Variants in DCUN1D5 observed in about 807,000 individuals in gnomAD.
DCUN1D5 encodes DCN1-like protein 5.
A neutral mutation model predicts 38.3 loss-of-function variants in DCUN1D5; 10 were observed. That is an observed-to-expected ratio of 0.26 (90% CI 0.16 to 0.44). The LOEUF (loss-of-function observed/expected upper bound fraction) is 0.44. Ranked by LOEUF, DCUN1D5 falls within the 20% of genes least tolerant of loss-of-function variation. DCUN1D5 has a pLI of 1.00. For missense variants in DCUN1D5, 148 were observed against 275.3 expected (o/e 0.54, Z 3.27); for synonymous variants, 93 against 90.9 (o/e 1.02, Z -0.13).
Position 103,064,871 on chromosome 11 carries a change from C to T in DCUN1D5, c.556-494G>A, listed in dbSNP as rs1334100147. Among the ~76,000 whole-genome samples the T allele has an allele frequency of 2.0e-5, 3 of 152,140 alleles. No homozygotes were observed. The highest frequency in any genetic ancestry group is 4.4e-5 in the Non-Finnish European group (3 of 68,036). On this transcript the variant is annotated intron_variant, in intron 6 of 7. Coordinates refer to ENST00000260247, the MANE Select transcript of DCUN1D5 (RefSeq NM_032299.4). The surrounding 1 kb of genome is among the most constrained non-coding windows in gnomAD (Gnocchi z 4.5). ...GAAAGTTACTTAAGAATAGAAACCA[C>T]CTCCTCATTTGTTAAATGGGGATAG...
At chr11:103,081,333 T>C (rs945530246) in intron 4 of DCUN1D5, among the ~76,000 whole-genome samples, 4 of 152,174 alleles carry the variant, frequency 2.6e-5, no homozygotes, top group African/African-American at 9.7e-5. Context: ...ACACACTGAG[T>C]TGTATAAAAC....
intron 4 of DCUN1D5, among the ~76,000 whole-genome samples, chr11:103,068,388 G>A (rs1010284637): frequency 6.6e-6 from 1 of 152,052 alleles, no homozygotes; most frequent in African/African-American, 2.4e-5. Flanking sequence ...AATGTTCATT[G>A]CAGCACTATT....
intron 4 of DCUN1D5, chr11:103,079,920 T>C (rs542544132): frequency 3.5e-4 from 53 of 152,324 alleles, no homozygotes; most frequent in African/African-American, 1.3e-3. Flanking sequence ...AAATGGCTAG[T>C]CTAGGCCAGT....
At chr11:103,079,558 A>G (rs1363117137) in intron 4 of DCUN1D5, among the ~76,000 whole-genome samples, 1 of 151,718 alleles carries the variant, frequency 6.6e-6, no homozygotes, top group Non-Finnish European at 1.5e-5. Context: ...TAGTGAGACA[A>G]GCTGGAGCAT....
chr11:103,067,142 A>G (rs1862154318), intron 4 of DCUN1D5, among the ~76,000 whole-genome samples: 1 of 152,220 alleles, frequency 6.6e-6, no homozygotes. Context: ...TAAGTTATAT[A>G]TGCAAAAGCA....
At chr11:103,079,087 G>A (rs984490042) in intron 4 of DCUN1D5, among the ~76,000 whole-genome samples, 11 of 152,174 alleles carry the variant, frequency 7.2e-5, no homozygotes, top group Admixed American at 2.6e-4. Flanking sequence ...GAACAGCAGC[G>A]GCATTCGATT....
Position 103,066,402 on chromosome 11 carries a change from A to C in DCUN1D5, c.451-29T>G, listed in dbSNP as rs753923006. 6.3e-7 allele frequency: 1 copy of C among 1,598,014 alleles called. No homozygotes were observed. The highest frequency in any genetic ancestry group is 1.7e-5 in the Admixed American group (1 of 58,270). On this transcript the variant is annotated intron_variant, in intron 5 of 7. Transcript: ENST00000260247. The surrounding 1 kb of genome is among the most constrained non-coding windows in gnomAD (Gnocchi z 4.7). ...AAATATAAGTGAAAAAGTTTTCCTA[A>C]GTGTGGTCTCAAGATGAAAAGCTAT... is the stretch of plus-strand genomic sequence containing the variant.
intron 2 of DCUN1D5, among the ~76,000 whole-genome samples, chr11:103,088,613 T>C (rs1355343478): frequency 6.6e-6 from 1 of 152,238 alleles, no homozygotes; most frequent in Non-Finnish European, 1.5e-5. Flanking sequence ...AGCTGGGTTA[T>C]ATATCCCTCC....
At chr11:103,067,567 T>A (rs1487215309) in intron 4 of DCUN1D5, among the ~76,000 whole-genome samples, 2 of 152,202 alleles carry the variant, frequency 1.3e-5, no homozygotes, top group Admixed American at 1.3e-4. Flanking sequence ...CACTCAAAAC[T>A]GAATTTTAGT....
In DCUN1D5 at chr11:103,091,640, C is replaced by CG. The variant is rs768040304; in HGVS notation, c.86+146dup. Reference sequence around the variant, plus strand: ...AGGTCGGGTCGGGCGCGGAGACTCGCGGTGTTCGGCACCTACAGCCTAGCT... The same window carrying CG: ...AGGTCGGGTCGGGCGCGGAGACTCGCGGGTGTTCGGCACCTACAGCCTAGCT... On this transcript the variant is annotated intron_variant, in intron 1 of 7. Transcript: ENST00000260247. This position sits in a 1 kb window ranked among gnomAD's most constrained non-coding sequence, Gnocchi z 4.3. 1 of 1,466,712 alleles carries CG rather than the reference C, an allele frequency of 6.8e-7. No individual in the cohort carries two copies. Among genetic ancestry groups the CG allele is most frequent in the African/African-American group, 1.4e-5 (1 of 71,662 alleles). The allele number at this position is 1,466,712 out of a possible 1,614,324, so 90.9% of individuals were successfully genotyped here. A position where few individuals can be genotyped will look rare whatever the true frequency, so the allele number is the denominator to read the frequency against.
rs1861970024 is a variant in DCUN1D5, at chr11:103,059,920, G to C, written c.*2439C>G. ...AGTAGTTCTGAAAATTTTACAACAG[G>C]GTTCGTGGGAAGGCACTTAAAGCTA... On this transcript the variant is annotated 3_prime_UTR_variant, in exon 8 of 8. Transcript: ENST00000260247. Among the ~76,000 whole-genome samples the C allele has an allele frequency of 6.6e-6, 1 of 152,032 alleles. No homozygotes were observed. The highest frequency in any genetic ancestry group is 2.1e-4 in the South Asian group (1 of 4,808).
Position 103,086,884 on chromosome 11 carries a change from T to G in DCUN1D5, c.178+2343A>C, listed in dbSNP as rs191915069. On this transcript the variant is annotated intron_variant, in intron 2 of 7. Coordinates refer to ENST00000260247, the MANE Select transcript of DCUN1D5 (RefSeq NM_032299.4). This position sits in a 1 kb window ranked among gnomAD's most constrained non-coding sequence, Gnocchi z 4.1. ...AATGTTTATAACTATATATAAACAT[T>G]ATAAAATTTAAATAAAAAATACATA... Among the ~76,000 whole-genome samples, 2 of 151,624 alleles carry G rather than the reference T, an allele frequency of 1.3e-5. No individual in the cohort carries two copies. The highest frequency in any genetic ancestry group is 2.9e-5 in the Non-Finnish European group (2 of 67,876).
chr11:103,051,501 T>TCTC lies in DCUN1D5; in HGVS notation c.*10857_*10858insGAG, dbSNP rs1861730294. 9.0e-6 allele frequency: 1 copy of TCTC among 111,420 alleles called. No homozygotes were observed. The highest frequency in any genetic ancestry group is 1.8e-5 in the Non-Finnish European group (1 of 56,744). 6.9% of individuals were successfully genotyped at this position (111,420 alleles called of 1,614,324 possible). On this transcript the variant is annotated 3_prime_UTR_variant, in exon 8 of 8. Coordinates refer to ENST00000260247, the MANE Select transcript of DCUN1D5 (RefSeq NM_032299.4). ...GATTTGGTGGCTTCACATATTTACTTCCCCCCCCCCCCCGCCACCCCTGTG... is the reference window on the plus strand; with the variant it reads ...GATTTGGTGGCTTCACATATTTACTTCTCCCCCCCCCCCCCCGCCACCCCTGTG...
At chr11:103,081,602 T>A (rs893713046) in intron 4 of DCUN1D5, among the ~76,000 whole-genome samples, 21 of 152,128 alleles carry the variant, frequency 1.4e-4, no homozygotes, top group African/African-American at 4.6e-4. Context: ...GAAATTTGAA[T>A]TCTAGGTTCT....
intron 4 of DCUN1D5, among the ~76,000 whole-genome samples, chr11:103,070,272 T>TA (rs1204908324): frequency 6.6e-6 from 1 of 152,046 alleles, no homozygotes; most frequent in East Asian, 1.9e-4. Context: ...CAGAGTGGAT[T>TA]AAAAAAAGCA....
chr11:103,084,303 A>G (rs545979213), intron 2 of DCUN1D5, among the ~76,000 whole-genome samples: 4 of 152,332 alleles, frequency 2.6e-5, no homozygotes, highest in African/African-American at 9.6e-5. Flanking sequence ...TTTATAAACC[A>G]TAGACTAGAC....
At chr11:103,076,813 A>G (rs1472965328) in intron 4 of DCUN1D5, among the ~76,000 whole-genome samples, 1 of 152,152 alleles carries the variant, frequency 6.6e-6, no homozygotes. Context: ...AATCACCTAC[A>G]CTACACACCT....
chr11:103,066,423 G>A lies in DCUN1D5; in HGVS notation c.450+36C>T. 1.3e-6 allele frequency: 2 copies of A among 1,590,520 alleles called. No homozygotes were observed. The highest frequency in any genetic ancestry group is 1.7e-6 in the Non-Finnish European group (2 of 1,162,988). On this transcript the variant is annotated intron_variant, in intron 5 of 7. Coordinates refer to ENST00000260247, the MANE Select transcript of DCUN1D5 (RefSeq NM_032299.4). The surrounding 1 kb of genome is among the most constrained non-coding windows in gnomAD (Gnocchi z 4.7). ...CCTAAGTGTGGTCTCAAGATGAAAA[G>A]CTATTAAAACAACAAAACAAGAAAA...
In DCUN1D5 at chr11:103,086,666, C is replaced by T. The variant is rs1296094571; in HGVS notation, c.178+2561G>A. Reference sequence around the variant, plus strand: ...TCTTCCTCACCAGAAGGCAAGTCCCCCAAAGGCAGGGATCTTGTCTGACTT... The same window carrying T: ...TCTTCCTCACCAGAAGGCAAGTCCCTCAAAGGCAGGGATCTTGTCTGACTT... On this transcript the variant is annotated intron_variant, in intron 2 of 7. Transcript: ENST00000260247. This position sits in a 1 kb window ranked among gnomAD's most constrained non-coding sequence, Gnocchi z 4.1. 6.6e-6 allele frequency among the ~76,000 whole-genome samples: 1 copy of T among 152,110 alleles called. No homozygotes were observed. Among genetic ancestry groups the T allele is most frequent in the East Asian group, 1.9e-4 (1 of 5,198 alleles).
Sources: allele counts gnomAD v4.1 joint callset (sites outside exome capture counted in the v4.1 genomes callset), GRCh38; gene constraint gnomAD v4.1.1; non-coding constraint Gnocchi (gnomAD v3.1); transcripts MANE v1.5; gene names NCBI Gene and HGNC (gene_info 2026-07-23, HGNC 2026-07-21).